Variants in STAM2 observed in about 807,000 individuals in gnomAD.
STAM2 encodes signal transducing adaptor molecule 2.
In STAM2, 51 loss-of-function variants were observed where a neutral mutation model predicts 65.6. That is an observed-to-expected ratio of 0.78 (90% CI 0.62 to 0.98). STAM2 has a LOEUF of 0.98. STAM2 is among the 50% of genes least tolerant of loss of function. STAM2 has a pLI of 0.00. For missense variants in STAM2, 584 were observed against 617.8 expected (o/e 0.95, Z 0.58); for synonymous variants, 198 against 208.4 (o/e 0.95, Z 0.43).
At chr2:152,143,640 AAACAT>A (rs1210727025) in intron 7 of STAM2, among the ~76,000 whole-genome samples, 182 bp downstream of exon 7, 3 of 152,222 alleles carry the variant, frequency 2.0e-5, no homozygotes, top group African/African-American at 7.2e-5. Context: ...CAAATATAAC[AAACAT>A]AAATTATCAA....
chr2:152,153,346 A>G (rs1467207846), intron 1 of STAM2, among the ~76,000 whole-genome samples: 2 of 152,174 alleles, frequency 1.3e-5, no homozygotes, highest in East Asian at 1.9e-4. Context: ...TCATCAGGAA[A>G]GATGGTAGGA....
intron 13 of STAM2, among the ~76,000 whole-genome samples, chr2:152,121,019 G>A (rs140373888): frequency 6.6e-6 from 1 of 152,194 alleles, no homozygotes; most frequent in African/African-American, 2.4e-5. Flanking sequence ...TGCCCAGGCT[G>A]GGGTGCAGAT....
chr2:152,156,010 T>C (rs775643782), intron 1 of STAM2, among the ~76,000 whole-genome samples: 6 of 151,380 alleles, frequency 4.0e-5, no homozygotes, highest in Non-Finnish European at 8.8e-5. Context: ...GACACACACA[T>C]AATCACGTGA....
chr2:152,173,375 T>TATATATATATGTATACATATATATAC (rs1292031217), intron 1 of STAM2, among the ~76,000 whole-genome samples: 52 of 96,644 alleles, frequency 5.4e-4, no homozygotes, highest in South Asian at 1.7e-3. Context: ...TATATATACA[T>TATATATATATGTATACATATATATAC]ATATATATAT....
At chr2:152,155,864 A>T (rs982934182) in intron 1 of STAM2, among the ~76,000 whole-genome samples, 2 of 152,186 alleles carry the variant, frequency 1.3e-5, no homozygotes, top group African/African-American at 4.8e-5. Context: ...ACGTGGTGTG[A>T]GGCAGGAACA....
In STAM2 at chr2:152,126,283, A is replaced by C; in HGVS notation, c.1122T>G (p.Tyr374Ter). Reference protein sequence around the residue: ...LVNEAPVYSVYSKLHPPAHYP... With the variant: ...LVNEAPVYSV The stretch of plus-strand genomic sequence containing the variant: ...AATGTGCTGGAGGGTGGAGCTTTGA[A>C]TAGACTGAGTACACTGGTGCTTCAT... Residue 374 changes from tyrosine (Y) to a stop codon, truncating the protein, a stop_gained, in exon 12 of 14, where the codon TAT becomes TAG. Transcript: ENST00000263904. LOFTEE classifies it high-confidence loss of function. 1 of 1,611,810 alleles carries C rather than the reference A, an allele frequency of 6.2e-7. No individual in the cohort carries two copies. The highest frequency in any genetic ancestry group is 8.5e-7 in the Non-Finnish European group (1 of 1,178,880).
chr2:152,128,940 G>T (rs1367440500), intron 11 of STAM2, among the ~76,000 whole-genome samples: 1 of 152,164 alleles, frequency 6.6e-6, no homozygotes, highest in Non-Finnish European at 1.5e-5. Context: ...ATTCATCTTT[G>T]AATACTTGAC....
chr2:152,137,616 C>T lies in STAM2; in HGVS notation c.705-2013G>A, dbSNP rs529960526. 9.9e-5 allele frequency among the ~76,000 whole-genome samples: 15 copies of T among 152,112 alleles called. No homozygotes were observed. The South Asian group carries it at 1.9e-3, about 19-fold the overall frequency. On this transcript the variant is annotated intron_variant, in intron 7 of 13. Transcript: ENST00000263904. ...TTCTTTAACTGTACAGTGGTTTTTT[C>T]CCCTATGCAATCAAATTTGGCAATC...
chr2:152,122,461 C>G (rs1490680353), intron 13 of STAM2, among the ~76,000 whole-genome samples: 2 of 151,974 alleles, frequency 1.3e-5, no homozygotes, highest in African/African-American at 4.8e-5. Context: ...ATTTTAAATT[C>G]CACCAAATAT....
At chr2:152,122,532 TA>T (rs1368030581) in intron 13 of STAM2, among the ~76,000 whole-genome samples, 1 of 152,208 alleles carries the variant, frequency 6.6e-6, no homozygotes, top group East Asian at 1.9e-4. Flanking sequence ...CCACAGTTCC[TA>T]GTGTTACCAA....
intron 1 of STAM2, among the ~76,000 whole-genome samples, chr2:152,158,090 C>G (rs867070380): frequency 1.3e-5 from 2 of 152,226 alleles, no homozygotes; most frequent in Middle Eastern, 3.4e-3. Context: ...ATTATATTTT[C>G]AAGAATGCAA....
At chr2:152,163,893 T>C (rs984304691) in intron 1 of STAM2, among the ~76,000 whole-genome samples, 3 of 152,204 alleles carry the variant, frequency 2.0e-5, no homozygotes, top group Admixed American at 6.5e-5. Context: ...AGACTGGTTC[T>C]CTGCTCTTGA....
intron 7 of STAM2, among the ~76,000 whole-genome samples, chr2:152,140,522 C>T (rs1005396043): frequency 1.3e-5 from 2 of 152,142 alleles, no homozygotes; most frequent in Non-Finnish European, 2.9e-5. Flanking sequence ...ATAATTATCA[C>T]GTGAGAAAAC....
rs745693763 is a variant in STAM2, at chr2:152,148,267, C to T, written c.159G>A (p.Arg53=). Residue 53 remains arginine (R), a synonymous_variant, in exon 3 of 14, where the codon AGG becomes AGA. Coordinates refer to ENST00000263904, the MANE Select transcript of STAM2 (RefSeq NM_005843.6). The stretch of plus-strand genomic sequence containing the variant: ...CAACATGTGGAACCTTATGATTTAC[C>T]CTTTTCATTATGGCTTTTAGGCAAT... ...AKDCLKAIMK[R]VNHKVPHVAL... 4 of 1,610,954 alleles carry T rather than the reference C, an allele frequency of 2.5e-6. No homozygotes were observed. The African/African-American group carries it at 4.0e-5, about 16-fold the overall frequency.
intron 1 of STAM2, among the ~76,000 whole-genome samples, chr2:152,171,231 A>T (rs1371258259): frequency 2.6e-5 from 4 of 151,056 alleles, no homozygotes; most frequent in Non-Finnish European, 4.4e-5. Context: ...TTCCTTTCTT[A>T]AAAAAAAAGA....
chr2:152,139,397 T>C (rs1029142661), intron 7 of STAM2, among the ~76,000 whole-genome samples: 9 of 152,150 alleles, frequency 5.9e-5, no homozygotes, highest in African/African-American at 2.2e-4. Context: ...AAGACACCAT[T>C]TGTGCCCTCA....
At chr2:152,167,735 A>AT (rs70974827) in intron 1 of STAM2, among the ~76,000 whole-genome samples, 32,163 of 151,060 alleles carry the variant, frequency 0.21, 3,663 homozygotes, top group Admixed American at 0.3. Context: ...TTTCTAGAAA[A>AT]AAATAAATAA....
intron 2 of STAM2, among the ~76,000 whole-genome samples, chr2:152,148,630 T>A (rs1447953014): frequency 6.6e-6 from 1 of 152,028 alleles, no homozygotes; most frequent in Non-Finnish European, 1.5e-5. Flanking sequence ...GCCACTATAC[T>A]CCAGCCTGGA....
At chr2:152,143,557 G>T (rs553668280) in intron 7 of STAM2, among the ~76,000 whole-genome samples, 1 of 152,254 alleles carries the variant, frequency 6.6e-6, no homozygotes, top group African/African-American at 2.4e-5. Context: ...AAGTAACTGA[G>T]TATTTACATG....
Sources: gnomAD v4.1 joint callset for allele counts (sites outside exome capture counted in the v4.1 genomes callset) on GRCh38, gnomAD v4.1.1 for gene constraint, MANE v1.5 for transcripts, NCBI Gene and HGNC (gene_info 2026-07-23, HGNC 2026-07-21) for gene names.